Variants in ENO4 observed in about 807,000 individuals in gnomAD.
The protein encoded by ENO4 is enolase 4.
A neutral mutation model predicts 63.2 loss-of-function variants in ENO4; 53 were observed. The ratio of observed to expected loss-of-function variants is 0.84; its 90% confidence interval spans 0.67 to 1.05. The LOEUF (loss-of-function observed/expected upper bound fraction) is 1.05. Ranked by LOEUF, ENO4 falls within the 50% of genes least tolerant of loss-of-function variation. ENO4 has a pLI of 0.00. For synonymous variants in ENO4, 266 were observed against 283.8 expected (o/e 0.94, Z 0.63); for missense variants, 719 against 772.0 (o/e 0.93, Z 0.81).
rs374854929 is a variant in ENO4 at position 116,857,426 on chromosome 10, A to G, written c.485+744A>G. Among the ~76,000 whole-genome samples, 12 of 152,328 alleles carry G rather than the reference A, an allele frequency of 7.9e-5. No homozygotes were observed. In the East Asian group the frequency reaches 1.5e-3, roughly 20 times the overall value. On this transcript the variant is annotated intron_variant, in intron 3 of 13. Transcript: ENST00000341276. The stretch of plus-strand genomic sequence containing the variant: ...GCCCATAGGTTGACTCAAACACGCT[A>G]ACAAGGAAGCATTTACTAGGGCTAT...
intron 10 of ENO4, among the ~76,000 whole-genome samples, chr10:116,902,244 A>C (rs1449041394): frequency 6.6e-6 from 1 of 152,166 alleles, no homozygotes; most frequent in Non-Finnish European, 1.5e-5. Context: ...TAATACTGGA[A>C]TTGTGGAAAG....
chr10:116,856,160 T>C (rs1846251236), intron 2 of ENO4, among the ~76,000 whole-genome samples: 1 of 152,228 alleles, frequency 6.6e-6, no homozygotes, highest in Non-Finnish European at 1.5e-5. Context: ...TTTAATTCAC[T>C]TTGCTACATA....
chr10:116,871,038 TC>T, intron 8 of ENO4, 86 bp from the exon 9 acceptor site: 1 of 1,176,106 alleles, frequency 8.5e-7, no homozygotes, highest in Non-Finnish European at 1.2e-6. Flanking sequence ...CAGAGCTATA[TC>T]TGATCATAAA....
intron 10 of ENO4, among the ~76,000 whole-genome samples, chr10:116,895,755 T>C (rs1847495535): frequency 3.3e-5 from 5 of 152,192 alleles, no homozygotes; most frequent in African/African-American, 1.2e-4. Context: ...GCATTGGAAA[T>C]AAAGTTTAAA....
chr10:116,865,102 GCTTTA>G (rs1472013428), intron 7 of ENO4, among the ~76,000 whole-genome samples: 1 of 151,712 alleles, frequency 6.6e-6, no homozygotes, highest in African/African-American at 2.4e-5. Context: ...TCTGCAAATT[GCTTTA>G]CTTCTTTGCC....
intron 10 of ENO4, among the ~76,000 whole-genome samples, chr10:116,894,085 A>AT (rs1416937894): frequency 4.6e-5 from 7 of 152,048 alleles, no homozygotes; most frequent in African/African-American, 9.7e-5. Flanking sequence ...AGGCAATTAG[A>AT]TTTTTTTTCT....
rs751411499 is a variant in ENO4, at chr10:116,871,165, C to T, written c.1088C>T (p.Thr363Ile). Reference protein sequence around the residue: ...TGKMSHLGCLTINCDSIEQPL... With the variant: ...TGKMSHLGCLIINCDSIEQPL... ...AAGATGTCTCATCTTGGCTGTTTAA[C>T]CATTAACTGTGACTCCATAGAACAG... The change falls in exon 9 of 14, where the codon ACC becomes ATC. Residue 363 changes from threonine (T) to isoleucine (I), a missense_variant. Around this residue, in one of 3 missense-constraint regions of ENO4, gnomAD observed 544 missense variants for 583.6 expected, o/e 0.93. Transcript: ENST00000341276. 15 of 1,550,338 alleles carry T rather than the reference C, an allele frequency of 9.7e-6. No individual in the cohort carries two copies. The highest frequency in any genetic ancestry group is 4.1e-5 in the African/African-American group (3 of 73,026).
rs1245569255 is a variant in ENO4, at chr10:116,881,584, C to T, written c.1793C>T (p.Ala598Val). 10 of 1,550,382 alleles carry T rather than the reference C, an allele frequency of 6.5e-6. No homozygotes were observed. Among genetic ancestry groups the T allele is most frequent in the Middle Eastern group, 1.7e-4 (1 of 5,986 alleles). ...GAAAAGGCTGCGGAGGCACTTGAGG[C>T]TGCTGCGGCTAGGGAGCCGCTGGTG... The part of the protein sequence containing the change: ...EAEKAAEALE[A>V]AAAREPLVPT... The change falls in exon 14 of 14, where the codon GCT (alanine) becomes GTT (valine). Residue 598 changes from alanine (A) to valine (V), a missense_variant. By Grantham distance (64) the Ala-to-Val change is moderately conservative. Transcript: ENST00000341276.
chr10:116,903,959 G>A (rs188053857), intron 10 of ENO4, among the ~76,000 whole-genome samples: 81 of 152,300 alleles, frequency 5.3e-4, no homozygotes, highest in African/African-American at 1.7e-3. Context: ...CAGTTTGGTA[G>A]GACACAAGGC....
At chr10:116,909,508 T>G (rs1342722046) in intron 10 of ENO4, among the ~76,000 whole-genome samples, 2 of 152,210 alleles carry the variant, frequency 1.3e-5, no homozygotes, top group African/African-American at 4.8e-5. Context: ...GCTTTCTAAG[T>G]GACTGAGGTG....
downstream of ENO4, chr10:116,884,512 G>C (rs1054332819): frequency 1.5e-5 from 5 of 328,608 alleles, no homozygotes; most frequent in South Asian, 1.2e-4. Context: ...CTCTAGAAAG[G>C]AGGGTATTTT....
intron 10 of ENO4, among the ~76,000 whole-genome samples, chr10:116,904,960 G>T (rs1004730737): frequency 6.6e-6 from 1 of 151,878 alleles, no homozygotes; most frequent in African/African-American, 2.4e-5. Context: ...CCAGCACTTT[G>T]GGAGGCCGAG....
At chr10:116,856,979 A>G (rs1468624927) in intron 3 of ENO4, among the ~76,000 whole-genome samples, 1 of 140,910 alleles carries the variant, frequency 7.1e-6, no homozygotes, top group Non-Finnish European at 1.5e-5. Flanking sequence ...ACAGAGCGAG[A>G]CTCTGTATCA....
At chr10:116,891,434 G>A (rs759689091) in intron 10 of ENO4, among the ~76,000 whole-genome samples, 2 of 152,142 alleles carry the variant, frequency 1.3e-5, no homozygotes, top group South Asian at 4.1e-4. Flanking sequence ...ACGCACAGCC[G>A]GACGGTCTGA....
chr10:116,911,274 A>G lies in ENO4; in HGVS notation c.1195-225A>G, dbSNP rs940284072. Among the ~76,000 whole-genome samples the G allele has an allele frequency of 2.0e-5, 3 of 152,200 alleles. No individual in the cohort carries two copies. The East Asian group carries it at 5.8e-4, about 29-fold the overall frequency. On this transcript the variant is annotated intron_variant, in intron 10 of 10. Coordinates refer to the ENO4 transcript ENST00000369207. ...TATGCTCTCCAACTGTCAGAAAATAAAACTAGTAACATAAAAAAAGGGCCT... is the reference window on the plus strand; with the variant it reads ...TATGCTCTCCAACTGTCAGAAAATAGAACTAGTAACATAAAAAAAGGGCCT...
At chr10:116,880,084 G>A in intron 13 of ENO4, 98 bp downstream of exon 13, 1 of 883,532 alleles carries the variant, frequency 1.1e-6, no homozygotes, top group South Asian at 1.8e-5. Context: ...GAGGGCAGGG[G>A]AATCCAAAGA....
intron 7 of ENO4, 41 bp from the exon 8 acceptor site, chr10:116,868,609 T>A: frequency 6.5e-7 from 1 of 1,537,134 alleles, no homozygotes; most frequent in Non-Finnish European, 8.8e-7. Flanking sequence ...ACAGCCATGC[T>A]AAAAATTCCA....
intron 9 of ENO4, 56 bp downstream of exon 9, chr10:116,871,348 A>G: frequency 7.1e-7 from 1 of 1,412,094 alleles, no homozygotes; most frequent in East Asian, 2.5e-5. Context: ...TTTTTAAATT[A>G]GAACTCAGAA....
Position 116,876,378 on chromosome 10 carries a change from T to C in ENO4, c.1537+118T>C, listed in dbSNP as rs1264303454. On this transcript the variant is annotated intron_variant, in intron 11 of 13. Transcript: ENST00000341276. ...GGAGAAATCTTGGAAGAAAAGAAAG[T>C]CCAACCATTTGTGAGAGATTTAGTG... is the stretch of plus-strand genomic sequence containing the variant. 9.2e-6 allele frequency: 8 copies of C among 874,034 alleles called. No homozygotes were observed. The East Asian group carries it at 2.3e-4, about 25-fold the overall frequency. 54.1% of individuals were successfully genotyped at this position (874,034 alleles called of 1,614,324 possible).
Sources: allele counts gnomAD v4.1 joint callset (sites outside exome capture counted in the v4.1 genomes callset), GRCh38; gene constraint gnomAD v4.1.1; regional missense constraint gnomAD v4.1.1; transcripts MANE v1.5; gene names NCBI Gene and HGNC (gene_info 2026-07-23, HGNC 2026-07-21).